SGPP2: variants seen among roughly 807,000 people sequenced by gnomAD.
SGPP2 encodes the protein sphingosine 1-phosphate phosphohydrolase 2.
In SGPP2, 30 loss-of-function variants were observed where a neutral mutation model predicts 33.9. That is an observed-to-expected ratio of 0.89 (90% CI 0.66 to 1.20). The LOEUF is 1.20. Among genes scored for constraint, SGPP2 ranks in the 50% most tolerant of loss-of-function variants. The pLI, the probability that SGPP2 is intolerant of heterozygous loss-of-function variation, is 0.00. For missense variants in SGPP2, 458 were observed against 532.1 expected (o/e 0.86, Z 1.37); for synonymous variants, 233 against 225.0 (o/e 1.04, Z -0.32).
chr2:222,430,242 T>C (rs1181287851), intron 1 of SGPP2, among the ~76,000 whole-genome samples: 5 of 152,202 alleles, frequency 3.3e-5, no homozygotes, highest in African/African-American at 1.2e-4. Context: ...GCTCTTTCTT[T>C]ACCTGGATTC....
At chr2:222,501,706 A>G (rs772865614) in intron 2 of SGPP2, among the ~76,000 whole-genome samples, 1 of 152,214 alleles carries the variant, frequency 6.6e-6, no homozygotes, top group Non-Finnish European at 1.5e-5. Flanking sequence ...TAAGTCAAGA[A>G]TAGATACTCT....
At chr2:222,523,518 A>G (rs1698716275) in intron 3 of SGPP2, among the ~76,000 whole-genome samples, 1 of 152,088 alleles carries the variant, frequency 6.6e-6, no homozygotes, top group African/African-American at 2.4e-5. Context: ...CCACGGACAC[A>G]TCCATTGCAG....
intron 1 of SGPP2, among the ~76,000 whole-genome samples, chr2:222,453,735 G>A (rs1697528361): frequency 1.3e-5 from 2 of 152,152 alleles, no homozygotes; most frequent in African/African-American, 4.8e-5. Context: ...TTGATTGACT[G>A]TTTATGTTAT....
rs568058661 is a variant in SGPP2, at chr2:222,535,365, G to A, written c.648+10332G>A. Among the ~76,000 whole-genome samples, 83 of 121,338 alleles carry A rather than the reference G, an allele frequency of 6.8e-4. No individual in the cohort carries two copies. In the East Asian group the frequency reaches 9.0e-3, roughly 13 times the overall value. The allele number at this position is 121,338 out of a possible 152,430, so 79.6% of individuals were successfully genotyped here. On this transcript the variant is annotated intron_variant, in intron 4 of 4. Coordinates refer to ENST00000321276, the MANE Select transcript of SGPP2 (RefSeq NM_152386.4). ...TGTACTCCAGCCTGGGTGACAGAGCGAGACTCTGTCTCAAAAAAAAAAAAA... is the reference window on the plus strand; with the variant it reads ...TGTACTCCAGCCTGGGTGACAGAGCAAGACTCTGTCTCAAAAAAAAAAAAA...
chr2:222,512,880 A>G (rs1270508345), intron 2 of SGPP2, among the ~76,000 whole-genome samples: 1 of 152,182 alleles, frequency 6.6e-6, no homozygotes, highest in Non-Finnish European at 1.5e-5. Flanking sequence ...TTACCTACTG[A>G]AGGACATCTT....
intron 1 of SGPP2, among the ~76,000 whole-genome samples, chr2:222,456,576 G>A (rs1176687120): frequency 6.6e-6 from 1 of 152,138 alleles, no homozygotes; most frequent in Non-Finnish European, 1.5e-5. Context: ...CATATTTATT[G>A]TATTTATACC....
intron 1 of SGPP2, among the ~76,000 whole-genome samples, chr2:222,441,297 A>G: frequency 1.3e-5 from 2 of 152,228 alleles, no homozygotes; most frequent in East Asian, 3.8e-4. Flanking sequence ...TTCTCCCACA[A>G]GTAGTTTTCA....
intron 1 of SGPP2, among the ~76,000 whole-genome samples, chr2:222,446,298 A>G (rs1392988992): frequency 2.0e-5 from 3 of 148,066 alleles, no homozygotes; most frequent in African/African-American, 7.5e-5. Flanking sequence ...GAGAGTGGAG[A>G]GACAGGGATG....
intron 2 of SGPP2, among the ~76,000 whole-genome samples, chr2:222,500,520 G>A (rs140533104): frequency 7.9e-5 from 12 of 152,294 alleles, no homozygotes; most frequent in African/African-American, 2.6e-4. Flanking sequence ...CACCGTGTTG[G>A]CAGTTGTTTG....
chr2:222,526,382 C>A (rs1467210345), intron 4 of SGPP2, among the ~76,000 whole-genome samples: 1 of 152,188 alleles, frequency 6.6e-6, no homozygotes, highest in African/African-American at 2.4e-5. Flanking sequence ...GTAATTTTAC[C>A]TCCCAAGGCA....
At position 222,559,509 on chromosome 2, in the gene SGPP2, T is replaced by C; in HGVS notation, c.*611T>C. On this transcript the variant is annotated 3_prime_UTR_variant, in exon 5 of 5. Transcript: ENST00000321276. The stretch of plus-strand genomic sequence containing the variant: ...CAGGATCTTGCTCTGTTTCCCAGGC[T>C]GTATTACAGTGGCACAATCTCAGCT... 1 of 153,752 alleles carries C rather than the reference T, an allele frequency of 6.5e-6. No homozygotes were observed. The highest frequency in any genetic ancestry group is 1.4e-5 in the Non-Finnish European group (1 of 69,122). 9.5% of individuals were successfully genotyped at this position (153,752 alleles called of 1,614,324 possible). A position where few individuals can be genotyped will look rare whatever the true frequency, so the allele number is the denominator to read the frequency against.
At chr2:222,482,594 G>A (rs1351807811) in intron 2 of SGPP2, among the ~76,000 whole-genome samples, 1 of 152,128 alleles carries the variant, frequency 6.6e-6, no homozygotes, top group East Asian at 1.9e-4. Flanking sequence ...GGCCAGACTG[G>A]TCTCGAACTC....
chr2:222,466,381 C>G (rs1408260767), intron 1 of SGPP2, among the ~76,000 whole-genome samples: 1 of 151,344 alleles, frequency 6.6e-6, no homozygotes, highest in Non-Finnish European at 1.5e-5. Context: ...GCCTCAGCCT[C>G]CCAAGTAGCT....
At position 222,525,711 on chromosome 2, in the gene SGPP2, A is replaced by G. The variant is rs529148873; in HGVS notation, c.648+678A>G. ...ATGGTCGACCACAGGGGCGCTATTTATCATCGTAATAGGTACAAGAAAGAT... is the reference window on the plus strand; with the variant it reads ...ATGGTCGACCACAGGGGCGCTATTTGTCATCGTAATAGGTACAAGAAAGAT... On this transcript the variant is annotated intron_variant, in intron 4 of 4. Transcript: ENST00000321276. 4.7e-4 allele frequency among the ~76,000 whole-genome samples: 72 copies of G among 152,354 alleles called. 1 individual carries two copies. The highest frequency in any genetic ancestry group is 9.3e-4 in the Non-Finnish European group (63 of 68,038).
intron 1 of SGPP2, among the ~76,000 whole-genome samples, chr2:222,455,345 G>A (rs527871097): frequency 1.6e-4 from 25 of 152,296 alleles, no homozygotes; most frequent in African/African-American, 6.0e-4. Context: ...ATGTGTAGGG[G>A]AGATGGAATC....
chr2:222,477,936 C>T lies in SGPP2; in HGVS notation c.378+3210C>T, dbSNP rs1420238146. ...TTTGCCCAAGAAAGGAAGAAATAAC[C>T]TCTGAATCTGCAGTTTGTCCTGAGG... On this transcript the variant is annotated intron_variant, in intron 2 of 4. Coordinates refer to ENST00000321276, the MANE Select transcript of SGPP2 (RefSeq NM_152386.4). The surrounding 1 kb of genome is among the most constrained non-coding windows in gnomAD (Gnocchi z 6.0). Among the ~76,000 whole-genome samples, 2 of 152,180 alleles carry T rather than the reference C, an allele frequency of 1.3e-5. No homozygotes were observed. Among genetic ancestry groups the T allele is most frequent in the East Asian group, 3.9e-4 (2 of 5,176 alleles).
intron 2 of SGPP2, among the ~76,000 whole-genome samples, chr2:222,500,282 G>A (rs1313277475): frequency 6.6e-6 from 1 of 152,186 alleles, no homozygotes; most frequent in African/African-American, 2.4e-5. Flanking sequence ...AGCACGGAGG[G>A]AAGCAGTTCA....
At chr2:222,552,147 T>G (rs1005192431) in intron 4 of SGPP2, among the ~76,000 whole-genome samples, 1 of 152,222 alleles carries the variant, frequency 6.6e-6, no homozygotes, top group African/African-American at 2.4e-5. Context: ...TTTTTGCAAT[T>G]GTGAATTGTG....
At chr2:222,439,818 A>C (rs1447488024) in intron 1 of SGPP2, among the ~76,000 whole-genome samples, 1 of 152,174 alleles carries the variant, frequency 6.6e-6, no homozygotes, top group Admixed American at 6.5e-5. Context: ...GGGTAGTCTG[A>C]GGGAGATCTT....
Sources: allele counts gnomAD v4.1 joint callset (sites outside exome capture counted in the v4.1 genomes callset), GRCh38; gene constraint gnomAD v4.1.1; non-coding constraint Gnocchi (gnomAD v3.1); transcripts MANE v1.5; gene names NCBI Gene and HGNC (gene_info 2026-07-23, HGNC 2026-07-21).